Variants in SCN8A observed in about 807,000 individuals in gnomAD.
SCN8A encodes sodium voltage-gated channel alpha subunit 8.
A neutral mutation model predicts 184.1 loss-of-function variants in SCN8A; 30 were observed. That is an observed-to-expected ratio of 0.16 (90% CI 0.12 to 0.22). SCN8A has a LOEUF of 0.22. Among genes scored for constraint, SCN8A ranks in the 10% least tolerant of loss-of-function variants. The pLI is 1.00. For missense variants in SCN8A, 1,057 were observed against 2,498.9 expected (o/e 0.42, Z 12.30); for synonymous variants, 852 against 907.0 (o/e 0.94, Z 1.09).
At chr12:51,730,852 T>C (rs1294153160) in intron 12 of SCN8A, among the ~76,000 whole-genome samples, 1 of 152,186 alleles carries the variant, frequency 6.6e-6, no homozygotes, top group African/African-American at 2.4e-5. Flanking sequence ...ATCTCCCCGC[T>C]ACCCTTCCCC....
At chr12:51,623,383 T>C (rs1940005200) in intron 1 of SCN8A, among the ~76,000 whole-genome samples, 1 of 152,224 alleles carries the variant, frequency 6.6e-6, no homozygotes. Flanking sequence ...CATTCTAGCC[T>C]TTCCCCCTTG....
intron 6 of SCN8A, among the ~76,000 whole-genome samples, chr12:51,699,353 T>C (rs1276577770): frequency 6.6e-6 from 1 of 152,214 alleles, no homozygotes; most frequent in Non-Finnish European, 1.5e-5. Flanking sequence ...GAAGAATCTT[T>C]CTTTTGCTTT....
chr12:51,701,888 A>C (rs1296193490), intron 8 of SCN8A, among the ~76,000 whole-genome samples: 1 of 152,212 alleles, frequency 6.6e-6, no homozygotes, highest in Non-Finnish European at 1.5e-5. Flanking sequence ...AAATCCATTT[A>C]ATTTCTGTAT....
chr12:51,668,298 A>G (rs1941071994), intron 2 of SCN8A, among the ~76,000 whole-genome samples: 1 of 152,190 alleles, frequency 6.6e-6, no homozygotes, highest in Non-Finnish European at 1.5e-5. Context: ...AGAAAATTAT[A>G]ATTTGATAGC....
At chr12:51,659,376 G>T (rs1487892863) in intron 1 of SCN8A, among the ~76,000 whole-genome samples, 3 of 152,204 alleles carry the variant, frequency 2.0e-5, no homozygotes, top group East Asian at 1.9e-4. Context: ...CTTGATTTCA[G>T]TGGTGGTTAC....
chr12:51,675,340 C>A (rs1425193217), intron 2 of SCN8A, among the ~76,000 whole-genome samples: 1 of 152,146 alleles, frequency 6.6e-6, no homozygotes, highest in African/African-American at 2.4e-5. Context: ...CATGGGGTTA[C>A]AAGGTCAAAG....
Position 51,682,067 on chromosome 12 carries a change from C to T in SCN8A, c.277-2107C>T, listed in dbSNP as rs1941344255. 2.6e-5 allele frequency among the ~76,000 whole-genome samples: 4 copies of T among 152,030 alleles called. No homozygotes were observed. In the South Asian group the frequency reaches 8.3e-4, roughly 32 times the overall value. ...GAAAGGTGTTGAATTTTGTCAAATG[C>T]TTTTTTCTGCATCTATTAAGATGAT... On this transcript the variant is annotated intron_variant, in intron 2 of 26. Transcript: ENST00000627620.
chr12:51,667,439 C>T (rs932813326), intron 2 of SCN8A, among the ~76,000 whole-genome samples: 3 of 151,932 alleles, frequency 2.0e-5, no homozygotes, highest in Non-Finnish European at 4.4e-5. Flanking sequence ...TAGGTCACTG[C>T]AGCCTCAACC....
At chr12:51,717,026 A>G (rs537407558) in intron 11 of SCN8A, among the ~76,000 whole-genome samples, 3 of 152,298 alleles carry the variant, frequency 2.0e-5, no homozygotes, top group Non-Finnish European at 1.5e-5. Context: ...AGACTTACCT[A>G]TCCTGCCTCA....
At chr12:51,675,823 A>G (rs1941213073) in intron 2 of SCN8A, among the ~76,000 whole-genome samples, 1 of 152,204 alleles carries the variant, frequency 6.6e-6, no homozygotes. Flanking sequence ...TGTCTTGGGC[A>G]AGTTACTTAA....
At chr12:51,659,043 T>G (rs956858868) in intron 1 of SCN8A, among the ~76,000 whole-genome samples, 1 of 152,214 alleles carries the variant, frequency 6.6e-6, no homozygotes, top group Non-Finnish European at 1.5e-5. Context: ...AAGAAGGCTC[T>G]TAGCAGCTTT....
At chr12:51,654,373 G>A (rs975515572) in intron 1 of SCN8A, among the ~76,000 whole-genome samples, 2 of 152,096 alleles carry the variant, frequency 1.3e-5, no homozygotes, top group African/African-American at 2.4e-5. Context: ...TTTGTGTATG[G>A]TATAAGGTAA....
At chr12:51,793,200 G>A (rs974181973) in intron 25 of SCN8A, among the ~76,000 whole-genome samples, 1 of 152,154 alleles carries the variant, frequency 6.6e-6, no homozygotes, top group African/African-American at 2.4e-5. Context: ...CAATAAAAAT[G>A]GAATGAAGTG....
At chr12:51,765,269 T>A (rs1301449519) in intron 15 of SCN8A, among the ~76,000 whole-genome samples, 3 of 152,186 alleles carry the variant, frequency 2.0e-5, no homozygotes, top group African/African-American at 7.2e-5. Context: ...GATTTTTTTT[T>A]AAACTGTCCT....
chr12:51,606,435 C>A (rs1939594057), intron 1 of SCN8A, among the ~76,000 whole-genome samples: 1 of 152,116 alleles, frequency 6.6e-6, no homozygotes, highest in African/African-American at 2.4e-5. Context: ...CTATTCTGTT[C>A]CGTTGGTCTA....
At chr12:51,696,571 T>G (rs1354534168) in intron 6 of SCN8A, among the ~76,000 whole-genome samples, 1 of 152,230 alleles carries the variant, frequency 6.6e-6, no homozygotes, top group South Asian at 2.1e-4. Context: ...AAATTTCAAT[T>G]ACTTAATCTC....
chr12:51,788,617 C>A, intron 22 of SCN8A, 78 bp from the exon 23 acceptor site: 1 of 1,137,460 alleles, frequency 8.8e-7, no homozygotes, highest in Non-Finnish European at 1.2e-6. Flanking sequence ...GAACCTAAGC[C>A]TGGCCTTTGG....
chr12:51,775,839 C>T lies in SCN8A; in HGVS notation c.3819+1477C>T, dbSNP rs1303417413. On this transcript the variant is annotated intron_variant, in intron 20 of 26. Coordinates refer to ENST00000627620, the MANE Select transcript of SCN8A (RefSeq NM_001330260.2). ...TGCCTGGGGAGGCTGTGATTTGAAA[C>T]AGAGCTTCCCCACCATGACCTACCC... 1.5e-4 allele frequency among the ~76,000 whole-genome samples: 23 copies of T among 152,176 alleles called. 1 individual carries two copies. The highest frequency in any genetic ancestry group is 1.5e-5 in the Non-Finnish European group (1 of 68,018).
chr12:51,685,826 C>T (rs1941410027), intron 3 of SCN8A, among the ~76,000 whole-genome samples: 1 of 151,996 alleles, frequency 6.6e-6, no homozygotes, highest in Non-Finnish European at 1.5e-5. Context: ...CACTTGAGCC[C>T]AGGGCTTCAA....
Sources: gnomAD v4.1 joint callset for allele counts (sites outside exome capture counted in the v4.1 genomes callset) on GRCh38, gnomAD v4.1.1 for gene constraint, MANE v1.5 for transcripts, NCBI Gene and HGNC (gene_info 2026-07-23, HGNC 2026-07-21) for gene names.